GALNT13: variants seen among roughly 807,000 people sequenced by gnomAD.
The protein encoded by GALNT13 is UDP-GalNAc:polypeptide N-acetylgalactosaminyltransferase 13.
A neutral mutation model predicts 64.2 loss-of-function variants in GALNT13; 28 were observed. That is an observed-to-expected ratio of 0.44 (90% CI 0.32 to 0.60). The LOEUF is 0.60. Ranked by LOEUF, GALNT13 falls within the 20% of genes least tolerant of loss-of-function variation. The pLI is 0.05. For synonymous variants in GALNT13, 214 were observed against 224.6 expected, an observed-to-expected ratio of 0.95 and a Z score of 0.42; for missense variants, 577 against 669.8, an observed-to-expected ratio of 0.86 and a Z score of 1.53.
the GALNT13 span, among the ~76,000 whole-genome samples, chr2:153,302,983 C>G: frequency 1.3e-5 from 2 of 152,018 alleles, no homozygotes; most frequent in Non-Finnish European, 2.9e-5. Context: ...TAGTGTGATG[C>G]CTCCAGCTTT....
the GALNT13 span, among the ~76,000 whole-genome samples, chr2:153,492,919 TTAAC>T: frequency 1.4e-5 from 2 of 145,568 alleles, no homozygotes; most frequent in Non-Finnish European, 3.1e-5. Flanking sequence ...ACTTAGAAAT[TTAAC>T]AAACAATTTC....
chr2:153,443,150 G>C, the GALNT13 span, among the ~76,000 whole-genome samples: 2 of 152,156 alleles, frequency 1.3e-5, no homozygotes, highest in African/African-American at 4.8e-5. Flanking sequence ...GCCCAGTTTT[G>C]TGCTTGAAAC....
chr2:153,530,831 C>T, the GALNT13 span, among the ~76,000 whole-genome samples: 227 of 152,130 alleles, frequency 1.5e-3, no homozygotes, highest in African/African-American at 5.1e-3. Context: ...AAACTGGATA[C>T]CCATATGCAG....
intron 9 of GALNT13, among the ~76,000 whole-genome samples, chr2:154,393,302 A>G (rs1372643924): frequency 1.3e-5 from 2 of 152,198 alleles, no homozygotes; most frequent in Non-Finnish European, 2.9e-5. Context: ...CCACTGGGAT[A>G]CAAGTCCTCC....
At chr2:153,351,265 T>A in the GALNT13 span, among the ~76,000 whole-genome samples, 7 of 152,206 alleles carry the variant, frequency 4.6e-5, no homozygotes, top group African/African-American at 1.4e-4. Flanking sequence ...TTATGAACTA[T>A]ACAATAACGA....
At chr2:153,770,288 G>A in the GALNT13 span, among the ~76,000 whole-genome samples, 1 of 151,808 alleles carries the variant, frequency 6.6e-6, no homozygotes, top group South Asian at 2.1e-4. Context: ...TGGCTATAAT[G>A]TATGTTGTCT....
intron 3 of GALNT13, among the ~76,000 whole-genome samples, chr2:154,071,188 C>G (rs931704288): frequency 6.6e-5 from 10 of 152,148 alleles, no homozygotes; most frequent in Non-Finnish European, 1.2e-4. Flanking sequence ...AGTGCTTTCT[C>G]TTTATTAATT....
At chr2:153,502,896 GT>G in the GALNT13 span, among the ~76,000 whole-genome samples, 1 of 144,672 alleles carries the variant, frequency 6.9e-6, no homozygotes, top group African/African-American at 2.4e-5. Flanking sequence ...TTTGAGAATT[GT>G]CTATTCATGT....
chr2:154,160,849 A>G (rs1684685628), intron 4 of GALNT13, among the ~76,000 whole-genome samples: 1 of 152,314 alleles, frequency 6.6e-6, no homozygotes, highest in South Asian at 2.1e-4. Context: ...CAAATTTCTT[A>G]TCTTCTCCCA....
chr2:153,154,655 C>T, the GALNT13 span, among the ~76,000 whole-genome samples: 1 of 152,110 alleles, frequency 6.6e-6, no homozygotes, highest in Non-Finnish European at 1.5e-5. Context: ...ATGGGGTTTT[C>T]TAGATATAGG....
chr2:153,453,475 A>G, the GALNT13 span, among the ~76,000 whole-genome samples: 1 of 152,180 alleles, frequency 6.6e-6, no homozygotes, highest in Non-Finnish European at 1.5e-5. Flanking sequence ...ACAGACATTT[A>G]TCAAAAGAAG....
chr2:153,091,145 A>T, the GALNT13 span, among the ~76,000 whole-genome samples: 1 of 152,038 alleles, frequency 6.6e-6, no homozygotes, highest in African/African-American at 2.4e-5. Flanking sequence ...ATTTGTGCCT[A>T]GTCGAAACCA....
the GALNT13 span, among the ~76,000 whole-genome samples, chr2:153,349,518 C>T: frequency 6.6e-6 from 1 of 152,102 alleles, no homozygotes; most frequent in Non-Finnish European, 1.5e-5. Context: ...ATTTATCCTG[C>T]CTACAGGAAG....
the GALNT13 span, among the ~76,000 whole-genome samples, chr2:153,384,380 G>A: frequency 1.3e-5 from 2 of 152,064 alleles, no homozygotes; most frequent in African/African-American, 4.8e-5. Flanking sequence ...TTCTTCAAGT[G>A]ATGAAGAAAG....
intron 3 of GALNT13, among the ~76,000 whole-genome samples, chr2:153,946,533 G>A (rs1691757272): frequency 2.0e-5 from 3 of 152,074 alleles, no homozygotes; most frequent in Admixed American, 2.0e-4. Flanking sequence ...CCAAGATGAA[G>A]GTGCTAGCAG....
intron 4 of GALNT13, among the ~76,000 whole-genome samples, chr2:154,154,978 A>C (rs1427587617): frequency 6.6e-6 from 1 of 151,714 alleles, no homozygotes; most frequent in African/African-American, 2.4e-5. Context: ...ATAAACATAC[A>C]TATACAAAGA....
the GALNT13 span, among the ~76,000 whole-genome samples, chr2:153,295,689 A>G: frequency 2.6e-5 from 4 of 152,298 alleles, no homozygotes; most frequent in South Asian, 4.1e-4. Context: ...AGTGTGATCT[A>G]TGGACCAGTA....
chr2:153,666,319 A>G, the GALNT13 span, among the ~76,000 whole-genome samples: 2 of 152,176 alleles, frequency 1.3e-5, no homozygotes, highest in Non-Finnish European at 2.9e-5. Context: ...AGACCCTGAT[A>G]CCACACTGTC....
At chr2:154,384,717 A>C (rs545705335) in intron 9 of GALNT13, among the ~76,000 whole-genome samples, 41 of 152,058 alleles carry the variant, frequency 2.7e-4, no homozygotes, top group African/African-American at 9.9e-4. Flanking sequence ...ACTGATGTTC[A>C]TGTGTTTCCT....
Sources: gnomAD v4.1 joint callset for allele counts (sites outside exome capture counted in the v4.1 genomes callset) on GRCh38, gnomAD v4.1.1 for gene constraint, MANE v1.5 for transcripts, NCBI Gene and HGNC (gene_info 2026-07-23, HGNC 2026-07-21) for gene names.